FSTL5: variants seen among roughly 807,000 people sequenced by gnomAD.
The protein encoded by FSTL5 is follistatin like 5.
Under a neutral mutation model 89.1 loss-of-function variants are expected in FSTL5, and 62 were observed. The observed-to-expected ratio is 0.70, with a 90% CI of 0.57 to 0.86. The LOEUF is 0.86. FSTL5 is among the 40% of genes least tolerant of loss of function. The pLI is 0.00. For synonymous variants in FSTL5, 383 were observed against 346.2 expected, an observed-to-expected ratio of 1.11 and a Z score of -1.18; for missense variants, 1,057 against 1,001.6, an observed-to-expected ratio of 1.06 and a Z score of -0.75.
chr4:161,424,694 G>A (rs2126323134), intron 15 of FSTL5, among the ~76,000 whole-genome samples: 1 of 152,294 alleles, frequency 6.6e-6, no homozygotes, highest in South Asian at 2.1e-4. Context: ...GACTGGAAAT[G>A]TTAAAGAATT....
At chr4:161,977,639 A>AAAAAAAAAAAAAAATAAT (rs1553988132) in intron 3 of FSTL5, among the ~76,000 whole-genome samples, 2 of 101,242 alleles carry the variant, frequency 2.0e-5, no homozygotes, top group Non-Finnish European at 3.8e-5. Flanking sequence ...AAAAAAAAAA[A>AAAAAAAAAAAAAAATAAT]AATAATAATA....
chr4:161,689,199 C>T (rs1234944223), intron 6 of FSTL5, among the ~76,000 whole-genome samples: 1 of 152,124 alleles, frequency 6.6e-6, no homozygotes. Context: ...GATAGAAGGA[C>T]AGATTATTCT....
At chr4:162,136,865 G>A (rs1464175798) in intron 1 of FSTL5, among the ~76,000 whole-genome samples, 2 of 151,710 alleles carry the variant, frequency 1.3e-5, no homozygotes, top group Non-Finnish European at 2.9e-5. Context: ...AATATGTTTT[G>A]GAAACACCAA....
intron 7 of FSTL5, among the ~76,000 whole-genome samples, chr4:161,631,350 G>A (rs764733166): frequency 5.3e-5 from 8 of 152,102 alleles, no homozygotes; most frequent in South Asian, 2.1e-4. Flanking sequence ...GGCCCGGCAC[G>A]GTCATGCCTG....
At chr4:161,430,878 C>A (rs944560960) in intron 15 of FSTL5, among the ~76,000 whole-genome samples, 1 of 152,068 alleles carries the variant, frequency 6.6e-6, no homozygotes, top group Non-Finnish European at 1.5e-5. Context: ...CAGTGGAAAC[C>A]TTATTGGCTA....
At chr4:162,092,968 A>G (rs865884250) in intron 2 of FSTL5, among the ~76,000 whole-genome samples, 33 of 147,254 alleles carry the variant, frequency 2.2e-4, no homozygotes, top group South Asian at 4.3e-4. Context: ...AAAAAAAAAA[A>G]AAAGAAAGAT....
chr4:161,692,815 C>T (rs991598180), intron 6 of FSTL5, among the ~76,000 whole-genome samples: 7 of 152,064 alleles, frequency 4.6e-5, no homozygotes, highest in Non-Finnish European at 8.8e-5. Context: ...CCTCCAACTC[C>T]CTAGTTCAAG....
chr4:162,150,828 G>A, intron 1 of FSTL5, among the ~76,000 whole-genome samples: 1 of 152,186 alleles, frequency 6.6e-6, no homozygotes, highest in Non-Finnish European at 1.5e-5. Flanking sequence ...AATAATAAAA[G>A]CATAACTGAA....
intron 2 of FSTL5, among the ~76,000 whole-genome samples, chr4:162,078,505 C>T (rs570837882): frequency 2.7e-4 from 41 of 151,824 alleles, no homozygotes; most frequent in Non-Finnish European, 5.0e-4. Context: ...ATACATGATG[C>T]CGTTCTCCCA....
chr4:161,463,388 T>C (rs974999582), intron 13 of FSTL5, among the ~76,000 whole-genome samples: 34 of 152,210 alleles, frequency 2.2e-4, no homozygotes, highest in African/African-American at 8.2e-4. Flanking sequence ...TTCAAGAAAA[T>C]TTATTTATAA....
rs552130830 is a variant in FSTL5, at chr4:161,997,293, A to G, written c.160+36332T>C. 1.5e-4 allele frequency among the ~76,000 whole-genome samples: 23 copies of G among 152,278 alleles called. No individual in the cohort carries two copies. In the South Asian group the frequency reaches 4.3e-3, roughly 29 times the overall value. ...CAGATTTTTCCTTATTGTTTTTCCA[A>G]TATATCTTAAGATGTATAGCAAAAT... On this transcript the variant is annotated intron_variant, in intron 3 of 15. Coordinates refer to ENST00000306100, the MANE Select transcript of FSTL5 (RefSeq NM_020116.5).
chr4:161,966,148 ATTGT>A (rs951608714), intron 3 of FSTL5, among the ~76,000 whole-genome samples: 1 of 152,126 alleles, frequency 6.6e-6, no homozygotes, highest in African/African-American at 2.4e-5. Context: ...AACAATGTAT[ATTGT>A]TTAATTCATT....
chr4:161,920,274 A>G, intron 4 of FSTL5, 130 bp downstream of exon 4: 1 of 796,850 alleles, frequency 1.3e-6, no homozygotes, highest in South Asian at 1.8e-5. Context: ...TTAGTGGAGT[A>G]CTTAGGCTAT....
At chr4:161,879,305 C>A (rs1732550316) in intron 4 of FSTL5, among the ~76,000 whole-genome samples, 1 of 152,122 alleles carries the variant, frequency 6.6e-6, no homozygotes, top group African/African-American at 2.4e-5. Context: ...GTGTCTACAC[C>A]AACCCCTGTA....
chr4:162,153,983 T>A (rs1279449838), intron 1 of FSTL5, among the ~76,000 whole-genome samples: 2 of 151,266 alleles, frequency 1.3e-5, no homozygotes, highest in Non-Finnish European at 2.9e-5. Context: ...TTTTTTGTAT[T>A]TTTAGTAGAG....
At chr4:161,726,579 G>T (rs76262054) in intron 6 of FSTL5, among the ~76,000 whole-genome samples, 1,774 of 152,074 alleles carry the variant, frequency 0.012, 35 homozygotes, top group African/African-American at 0.04. Flanking sequence ...GATCACATGT[G>T]CATTATGCAC....
At chr4:161,873,459 CAAT>C (rs1394071414) in intron 4 of FSTL5, among the ~76,000 whole-genome samples, 1 of 151,638 alleles carries the variant, frequency 6.6e-6, no homozygotes. Context: ...AATTTTGTTA[CAAT>C]AATAAAATTA....
intron 4 of FSTL5, among the ~76,000 whole-genome samples, chr4:161,851,459 G>A (rs1731546488): frequency 6.6e-6 from 1 of 152,032 alleles, no homozygotes; most frequent in South Asian, 2.1e-4. Flanking sequence ...ACTGATTTTG[G>A]AAACGATTTC....
At chr4:161,572,316 T>G (rs1384822097) in intron 8 of FSTL5, among the ~76,000 whole-genome samples, 1 of 76,766 alleles carries the variant, frequency 1.3e-5, no homozygotes, top group East Asian at 4.3e-4. Context: ...TGAGACTCCG[T>G]CTAAAAAAAA....
Sources: allele counts gnomAD v4.1 joint callset (sites outside exome capture counted in the v4.1 genomes callset), GRCh38; gene constraint gnomAD v4.1.1; transcripts MANE v1.5; gene names NCBI Gene and HGNC (gene_info 2026-07-23, HGNC 2026-07-21).